MRE11: variants seen among roughly 807,000 people sequenced by gnomAD.
The protein encoded by MRE11 is MRE11 double strand break repair nuclease, also known as double-strand break repair protein MRE11.
A neutral mutation model predicts 91.7 loss-of-function variants in MRE11; 62 were observed. The observed-to-expected ratio is 0.68, with a 90% CI of 0.55 to 0.84. The LOEUF (loss-of-function observed/expected upper bound fraction) is 0.84, where lower values mean the gene tolerates loss of function less well. Ranked by LOEUF, MRE11 falls within the 40% of genes least tolerant of loss-of-function variation. The pLI, the probability that MRE11 is intolerant of heterozygous loss-of-function variation, is 0.00. For synonymous variants in MRE11, 273 were observed against 271.4 expected (o/e 1.01, Z -0.06); for missense variants, 796 against 852.9 (o/e 0.93, Z 0.83).
upstream of MRE11, chr11:94,496,976 A>G (rs1377962006): frequency 6.2e-7 from 1 of 1,611,300 alleles, no homozygotes; most frequent in Non-Finnish European, 8.5e-7. Flanking sequence ...TACAGAGGGA[A>G]GTGTGACAGT....
intron 2 of MRE11, chr11:94,492,512 A>T: frequency 1.6e-6 from 1 of 617,680 alleles, no homozygotes; most frequent in East Asian, 2.8e-5. Context: ...TCACTTCAAT[A>T]ATTTAAGATG....
intron 19 of MRE11, among the ~76,000 whole-genome samples, chr11:94,423,769 A>G (rs1286931156): frequency 2.0e-5 from 3 of 152,260 alleles, no homozygotes; most frequent in East Asian, 1.9e-4. Flanking sequence ...CTGAGGGTCC[A>G]GACGATGGAG....
intron 19 of MRE11, among the ~76,000 whole-genome samples, chr11:94,425,808 T>A (rs560300357): frequency 6.6e-6 from 1 of 152,246 alleles, no homozygotes; most frequent in African/African-American, 2.4e-5. Flanking sequence ...CTATGCCAAA[T>A]ATATACATGC....
At chr11:94,447,161 T>G (rs1158985807) in intron 15 of MRE11, 58 bp downstream of exon 15, 1 of 1,489,976 alleles carries the variant, frequency 6.7e-7, no homozygotes, top group Admixed American at 1.7e-5. Flanking sequence ...GATCTAATTC[T>G]GTATTTTCCA....
the MRE11 span, among the ~76,000 whole-genome samples, chr11:94,501,872 A>G: frequency 1.3e-5 from 2 of 152,260 alleles, no homozygotes; most frequent in South Asian, 2.1e-4. Context: ...TTATTTTGTC[A>G]ATTTCTTTAA....
the MRE11 span, among the ~76,000 whole-genome samples, chr11:94,502,857 T>C: frequency 6.6e-6 from 1 of 152,086 alleles, no homozygotes; most frequent in Admixed American, 6.5e-5. Flanking sequence ...ATGTTTTTAG[T>C]AGAGACTGGG....
At chr11:94,506,186 G>GTT in the MRE11 span, among the ~76,000 whole-genome samples, 866 of 148,468 alleles carry the variant, frequency 5.8e-3, 8 homozygotes, top group African/African-American at 0.021. Flanking sequence ...TTCATTTTCA[G>GTT]TTTTTTTTTT....
rs200457020 is a variant in MRE11, at chr11:94,464,245, A to T, written c.1099-6T>A. 1.9e-6 allele frequency: 3 copies of T among 1,613,868 alleles called. No individual in the cohort carries two copies. The East Asian group carries it at 6.7e-5, about 36-fold the overall frequency. ...AAACCTCCACTATAGTCCACCTGAA[A>T]ACACAGAATAATCTATGAACGCTAG... On this transcript the variant is annotated splice_polypyrimidine_tract_variant and splice_region_variant and intron_variant, in intron 10 of 19. Coordinates refer to ENST00000323929, the MANE Select transcript of MRE11 (RefSeq NM_005591.4).
chr11:94,418,791 G>GA lies in MRE11; in HGVS notation c.*1333dup, dbSNP rs1484911491. The GA allele has an allele frequency of 4.3e-6, 1 of 231,888 alleles. No homozygotes were observed. Among genetic ancestry groups the GA allele is most frequent in the African/African-American group, 2.2e-5 (1 of 45,288 alleles). The allele number at this position is 231,888 out of a possible 1,614,324, so 14.4% of individuals were successfully genotyped here. ...AACCCTTATGCTCAAGTTAGGTACA[G>GA]AAAAAATATTTTTAAGAAAGTCAAT... On this transcript the variant is annotated 3_prime_UTR_variant, in exon 20 of 20. Transcript: ENST00000323929.
At chr11:94,463,794 G>A (rs918637072) in intron 11 of MRE11, among the ~76,000 whole-genome samples, 1 of 150,704 alleles carries the variant, frequency 6.6e-6, no homozygotes, top group African/African-American at 2.4e-5. Context: ...GGTTGGGGGA[G>A]GGGGGAGGGA....
chr11:94,509,606 C>A, the MRE11 span, among the ~76,000 whole-genome samples: 1 of 151,874 alleles, frequency 6.6e-6, no homozygotes, highest in African/African-American at 2.4e-5. Context: ...CCACGCCCAG[C>A]TAATTTTTGT....
intron 5 of MRE11, 120 bp from the exon 6 acceptor site, chr11:94,478,996 A>G: frequency 9.0e-7 from 1 of 1,105,614 alleles, no homozygotes; most frequent in South Asian, 1.4e-5. Flanking sequence ...AGATGAGGAT[A>G]GTGTCTTCTC....
At chr11:94,479,815 C>G (rs1291583753) in intron 4 of MRE11, 54 bp from the exon 5 acceptor site, 8 of 1,410,394 alleles carry the variant, frequency 5.7e-6, no homozygotes, top group African/African-American at 1.4e-5. Flanking sequence ...GCTGTTTTCC[C>G]TAAGATTCTC....
chr11:94,501,275 G>A, the MRE11 span, among the ~76,000 whole-genome samples: 1 of 152,084 alleles, frequency 6.6e-6, no homozygotes, highest in African/African-American at 2.4e-5. Context: ...CTAAATCAGT[G>A]CCAACACATA....
chr11:94,498,436 G>T, upstream of MRE11: 1 of 1,613,720 alleles, frequency 6.2e-7, no homozygotes, highest in Non-Finnish European at 8.5e-7. Context: ...AAAACAACTT[G>T]GAAGAAACTG....
chr11:94,443,661 C>T (rs527540560), intron 16 of MRE11, among the ~76,000 whole-genome samples: 12 of 152,100 alleles, frequency 7.9e-5, no homozygotes, highest in Non-Finnish European at 1.8e-4. Flanking sequence ...CTGGAAAACA[C>T]GAATGCGCCT....
chr11:94,454,831 T>C (rs963261956), intron 14 of MRE11, among the ~76,000 whole-genome samples: 2 of 152,182 alleles, frequency 1.3e-5, no homozygotes, highest in African/African-American at 4.8e-5. Context: ...CCTGTTAAAT[T>C]GAAAGGGTTA....
intron 6 of MRE11, 36 bp downstream of exon 6, chr11:94,478,699 C>T: frequency 1.9e-6 from 3 of 1,609,316 alleles, no homozygotes; most frequent in Non-Finnish European, 2.5e-6. Flanking sequence ...TAAAGAATCA[C>T]ACATGGACAT....
At chr11:94,486,923 T>C (rs1236687518) in intron 3 of MRE11, among the ~76,000 whole-genome samples, 1 of 152,198 alleles carries the variant, frequency 6.6e-6, no homozygotes, top group Non-Finnish European at 1.5e-5. Context: ...GAAACTTAAG[T>C]TCTTAATCAC....
Sources: gnomAD v4.1 joint callset for allele counts (sites outside exome capture counted in the v4.1 genomes callset) on GRCh38, gnomAD v4.1.1 for gene constraint, MANE v1.5 for transcripts, NCBI Gene and HGNC (gene_info 2026-07-23, HGNC 2026-07-21) for gene names.